Variants in NREP observed in about 807,000 individuals in gnomAD.
NREP encodes the protein neuronal regeneration-related protein.
In NREP, 5 loss-of-function variants were observed where a neutral mutation model predicts 8.6. That is an observed-to-expected ratio of 0.58 (90% CI 0.30 to 1.22). The LOEUF (loss-of-function observed/expected upper bound fraction) is 1.22, where lower values mean the gene tolerates loss of function less well. NREP is among the 50% of genes most tolerant of loss of function. The pLI is 0.07. For missense variants in NREP, 86 were observed against 82.5 expected (o/e 1.04, Z -0.17); for synonymous variants, 27 against 28.0 (o/e 0.96, Z 0.11).
At chr5:111,900,130 A>C (rs1380974841) in intron 2 of NREP, among the ~76,000 whole-genome samples, 1 of 152,126 alleles carries the variant, frequency 6.6e-6, no homozygotes, top group Non-Finnish European at 1.5e-5. Flanking sequence ...CTAGAAATTA[A>C]TAACAAGAGA....
intron 2 of NREP, among the ~76,000 whole-genome samples, chr5:111,971,837 A>AT (rs1033441695): frequency 2.0e-5 from 3 of 152,026 alleles, no homozygotes; most frequent in African/African-American, 7.2e-5. Flanking sequence ...CTGGACAATG[A>AT]TTTTTTTTAA....
chr5:111,946,867 C>T (rs577313487), intron 2 of NREP, among the ~76,000 whole-genome samples: 7 of 152,144 alleles, frequency 4.6e-5, no homozygotes, highest in East Asian at 1.9e-4. Context: ...ATTATCTCTG[C>T]TTCTTCCAGT....
At chr5:111,910,673 A>G (rs146448814) in intron 2 of NREP, among the ~76,000 whole-genome samples, 134 of 152,118 alleles carry the variant, frequency 8.8e-4, no homozygotes, top group East Asian at 3.3e-3. Context: ...GAGCTGAGGA[A>G]CTTGGCTTCT....
chr5:111,790,512 C>A (rs1751718364), intron 2 of NREP, among the ~76,000 whole-genome samples: 1 of 152,122 alleles, frequency 6.6e-6, no homozygotes, highest in Middle Eastern at 3.4e-3. Flanking sequence ...GTAATCCCAG[C>A]ATTTTGAGAG....
upstream of NREP, chr5:111,757,953 G>C (rs2112858872): frequency 1.0e-6 from 1 of 985,598 alleles, no homozygotes. Flanking sequence ...ACCTGCAGCA[G>C]AGGGCATCTG....
chr5:111,886,981 A>G (rs1439580432), intron 2 of NREP, among the ~76,000 whole-genome samples: 2 of 150,600 alleles, frequency 1.3e-5, no homozygotes, highest in Non-Finnish European at 2.9e-5. Flanking sequence ...TTAATAATAA[A>G]ATAAAAAATA....
At chr5:111,792,538 T>A (rs926251613) in intron 2 of NREP, among the ~76,000 whole-genome samples, 2 of 152,168 alleles carry the variant, frequency 1.3e-5, no homozygotes, top group African/African-American at 4.8e-5. Flanking sequence ...ACAAGCCAAA[T>A]AACAACTAGG....
chr5:111,839,353 T>C (rs1394595639), intron 2 of NREP, among the ~76,000 whole-genome samples: 1 of 152,054 alleles, frequency 6.6e-6, no homozygotes, highest in African/African-American at 2.4e-5. Context: ...ATGTGGATGG[T>C]TCAATATGTA....
intron 2 of NREP, among the ~76,000 whole-genome samples, chr5:111,874,856 C>T (rs1753868500): frequency 6.6e-6 from 1 of 152,132 alleles, no homozygotes; most frequent in African/African-American, 2.4e-5. Flanking sequence ...TTCAGATAGG[C>T]TTGGAATGCC....
chr5:111,842,590 A>T (rs1753057763), intron 2 of NREP, among the ~76,000 whole-genome samples: 1 of 152,064 alleles, frequency 6.6e-6, no homozygotes, highest in Non-Finnish European at 1.5e-5. Flanking sequence ...TTTGCCTTTT[A>T]ATTTTTATGC....
intron 2 of NREP, among the ~76,000 whole-genome samples, chr5:111,796,139 A>G (rs4957976): frequency 0.82 from 124,507 of 152,158 alleles, 51,027 homozygotes; most frequent in Middle Eastern, 0.89. Context: ...TTAGCTTCTA[A>G]AAGTCAACTG....
chr5:111,733,844 G>C (rs1479124491), intron 3 of NREP: 3 of 152,122 alleles, frequency 2.0e-5, no homozygotes, highest in Non-Finnish European at 4.4e-5. Flanking sequence ...CCTCCCGACA[G>C]ATGACTACTA....
intron 2 of NREP, among the ~76,000 whole-genome samples, chr5:111,927,353 A>G (rs1178335404): frequency 6.6e-6 from 1 of 152,150 alleles, no homozygotes; most frequent in East Asian, 1.9e-4. Context: ...ATGATAAGCA[A>G]TCCAAAAAAG....
At chr5:111,919,749 C>G (rs1457676987) in intron 2 of NREP, among the ~76,000 whole-genome samples, 1 of 151,894 alleles carries the variant, frequency 6.6e-6, no homozygotes, top group Non-Finnish European at 1.5e-5. Flanking sequence ...AGAGGGATAA[C>G]ATTAGGAGAA....
At chr5:111,785,222 T>C (rs1018231949) in intron 2 of NREP, among the ~76,000 whole-genome samples, 2 of 152,216 alleles carry the variant, frequency 1.3e-5, no homozygotes, top group African/African-American at 4.8e-5. Context: ...AAGGGAAGCA[T>C]GGCTTTGTTA....
chr5:111,756,049 G>A (rs1750682497), intron 1 of NREP: 1 of 1,273,038 alleles, frequency 7.9e-7, no homozygotes. Context: ...GCTTTGCAGA[G>A]TCCTGGGCTA....
At chr5:111,976,473 T>C (rs948694126) in intron 1 of NREP, among the ~76,000 whole-genome samples, 118 of 152,332 alleles carry the variant, frequency 7.7e-4, no homozygotes, top group African/African-American at 2.7e-3. Flanking sequence ...CATGTGGCAC[T>C]GTATCCCAGT....
intron 2 of NREP, among the ~76,000 whole-genome samples, chr5:111,897,107 C>T (rs1754529647): frequency 6.6e-6 from 1 of 152,060 alleles, no homozygotes; most frequent in African/African-American, 2.4e-5. Context: ...CAAATTATTA[C>T]ATTTAAATAA....
chr5:111,736,712 T>C (rs60756957), intron 2 of NREP, among the ~76,000 whole-genome samples: 4,123 of 152,296 alleles, frequency 0.027, 194 homozygotes, highest in African/African-American at 0.095. Context: ...CCAGTGACAT[T>C]TGTAGCACAT....
Sources: allele counts gnomAD v4.1 joint callset (sites outside exome capture counted in the v4.1 genomes callset), GRCh38; gene constraint gnomAD v4.1.1; transcripts MANE v1.5; gene names NCBI Gene and HGNC (gene_info 2026-07-23, HGNC 2026-07-21).